The following REDIC1 variants were observed in gnomAD, a reference collection of about 807,000 sequenced individuals.
REDIC1 encodes the protein regulator of DNA class I crossover intermediates 1, also known as HEI10 Interacting Protein 1.
chr12:39,676,920 G>A, the REDIC1 span, among the ~76,000 whole-genome samples: 1 of 151,622 alleles, frequency 6.6e-6, no homozygotes, highest in Non-Finnish European at 1.5e-5. Context: ...CCACTACCAA[G>A]CCAGCACTAC....
chr12:39,704,030 A>G, the REDIC1 span, among the ~76,000 whole-genome samples: 1 of 152,220 alleles, frequency 6.6e-6, no homozygotes, highest in Non-Finnish European at 1.5e-5. Flanking sequence ...GGTCATGTCT[A>G]AAACACCAAA....
At chr12:39,823,167 A>T in the REDIC1 span, among the ~76,000 whole-genome samples, 1 of 152,350 alleles carries the variant, frequency 6.6e-6, no homozygotes, top group East Asian at 1.9e-4. Flanking sequence ...TTTAAGCAGT[A>T]ACATAAAAAA....
At chr12:39,838,256 C>A in the REDIC1 span, among the ~76,000 whole-genome samples, 2 of 149,650 alleles carry the variant, frequency 1.3e-5, no homozygotes, top group African/African-American at 4.9e-5. Flanking sequence ...AAACCAAACA[C>A]CGCATATTCT....
the REDIC1 span, among the ~76,000 whole-genome samples, chr12:39,789,911 C>T: frequency 3.9e-5 from 6 of 152,080 alleles, no homozygotes; most frequent in East Asian, 7.7e-4. Context: ...TTCATAGGAA[C>T]GTCCAGATAT....
the REDIC1 span, among the ~76,000 whole-genome samples, chr12:39,632,133 G>C: frequency 6.6e-6 from 1 of 151,650 alleles, no homozygotes; most frequent in African/African-American, 2.4e-5. Flanking sequence ...ATCTCTCTCT[G>C]TTGCCCAGGC....
At chr12:39,857,913 CCTT>C in the REDIC1 span, among the ~76,000 whole-genome samples, 1 of 152,174 alleles carries the variant, frequency 6.6e-6, no homozygotes, top group Admixed American at 6.5e-5. Flanking sequence ...CTTGAGTCCT[CCTT>C]CTTGTCTTTC....
At chr12:39,745,703 C>T in the REDIC1 span, among the ~76,000 whole-genome samples, 1 of 152,106 alleles carries the variant, frequency 6.6e-6, no homozygotes, top group Non-Finnish European at 1.5e-5. Context: ...ATGTATCATC[C>T]AAATGTGTTT....
the REDIC1 span, chr12:39,759,132 G>A: frequency 4.6e-5 from 7 of 152,476 alleles, no homozygotes; most frequent in Non-Finnish European, 8.8e-5. Context: ...TGAGGAAGGT[G>A]TAGTGATTTG....
the REDIC1 span, among the ~76,000 whole-genome samples, chr12:39,896,317 T>C: frequency 5.5e-5 from 7 of 128,208 alleles, no homozygotes; most frequent in South Asian, 1.6e-3. Context: ...TACATATATG[T>C]ATGTATATGT....
the REDIC1 span, among the ~76,000 whole-genome samples, chr12:39,861,602 A>G: frequency 6.6e-6 from 1 of 152,234 alleles, no homozygotes; most frequent in Non-Finnish European, 1.5e-5. Flanking sequence ...TGAATTGGAA[A>G]TGAAAGGAAT....
chr12:39,710,416 A>C, the REDIC1 span, among the ~76,000 whole-genome samples: 1 of 151,802 alleles, frequency 6.6e-6, no homozygotes, highest in Non-Finnish European at 1.5e-5. Flanking sequence ...TCACAGCTTT[A>C]TTGCAGATCA....
chr12:39,715,079 G>A, the REDIC1 span, among the ~76,000 whole-genome samples: 16 of 151,582 alleles, frequency 1.1e-4, no homozygotes, highest in Admixed American at 1.1e-3. Context: ...TTAGGTCCCA[G>A]CTATATATTT....
At chr12:39,778,172 C>G in the REDIC1 span, among the ~76,000 whole-genome samples, 1 of 152,334 alleles carries the variant, frequency 6.6e-6, no homozygotes, top group East Asian at 1.9e-4. Flanking sequence ...GAGACCCTTT[C>G]CCATTTCAGA....
the REDIC1 span, among the ~76,000 whole-genome samples, chr12:39,628,135 C>G: frequency 6.6e-6 from 1 of 152,114 alleles, no homozygotes; most frequent in Admixed American, 6.5e-5. Flanking sequence ...GGTTGGACAT[C>G]ACAAGAATGA....
chr12:39,834,743 C>T, the REDIC1 span, among the ~76,000 whole-genome samples: 1 of 151,982 alleles, frequency 6.6e-6, no homozygotes, highest in Non-Finnish European at 1.5e-5. Flanking sequence ...GACAAGATTT[C>T]CTACCACTCT....
the REDIC1 span, among the ~76,000 whole-genome samples, chr12:39,827,481 A>G: frequency 2.6e-5 from 4 of 152,150 alleles, no homozygotes; most frequent in African/African-American, 4.8e-5. Context: ...TCTCACCTGT[A>G]AGGCTTATAT....
At chr12:39,760,383 T>A in the REDIC1 span, 22 of 695,940 alleles carry the variant, frequency 3.2e-5, no homozygotes, top group Non-Finnish European at 4.9e-5. Context: ...GACCAAAAAA[T>A]TACTATGAAC....
At chr12:39,647,940 C>A in the REDIC1 span, 1 of 1,589,706 alleles carries the variant, frequency 6.3e-7, no homozygotes, top group South Asian at 1.1e-5. Flanking sequence ...GCACCTACTC[C>A]TCAGAAACTT....
the REDIC1 span, among the ~76,000 whole-genome samples, chr12:39,896,516 G>C: frequency 1.5e-5 from 2 of 136,528 alleles, no homozygotes; most frequent in Non-Finnish European, 3.2e-5. Flanking sequence ...GTACATGTGT[G>C]TATACATGTA....
Sources: gnomAD v4.1 joint callset for allele counts (sites outside exome capture counted in the v4.1 genomes callset) on GRCh38, gnomAD v4.1.1 for gene constraint, MANE v1.5 for transcripts, NCBI Gene and HGNC (gene_info 2026-07-23, HGNC 2026-07-21) for gene names.